The following SLC14A2 variants were observed in gnomAD, a reference collection of about 807,000 sequenced individuals.
SLC14A2 encodes the protein solute carrier family 14 member 2.
SLC14A2 carries 91 observed loss-of-function variants against 104.6 expected under a neutral mutation model. The ratio of observed to expected loss-of-function variants is 0.87; its 90% CI spans 0.73 to 1.04. The LOEUF is 1.04. SLC14A2 is among the 50% of genes least tolerant of loss of function. The probability of loss-of-function intolerance (pLI) is 0.00; values close to 1 mark genes in which losing one functional copy is unlikely to be tolerated. For synonymous variants in SLC14A2, 476 were observed against 466.4 expected (o/e 1.02, Z -0.27); for missense variants, 1,189 against 1,156.0 (o/e 1.03, Z -0.41).
At chr18:45,304,194 G>A (rs1200955077) in intron 1 of SLC14A2, among the ~76,000 whole-genome samples, 4 of 152,114 alleles carry the variant, frequency 2.6e-5, no homozygotes, top group Admixed American at 2.6e-4. Context: ...ATAGCAAAAG[G>A]CAACCGGGAG....
intron 1 of SLC14A2, among the ~76,000 whole-genome samples, chr18:45,331,427 C>G (rs1403193377): frequency 6.6e-6 from 1 of 152,042 alleles, no homozygotes; most frequent in African/African-American, 2.4e-5. Context: ...TGTGGTGGCT[C>G]ACGCCTGTAA....
chr18:45,538,867 TTTTTGCTTGCTTTC>T (rs1708397228), intron 2 of SLC14A2, among the ~76,000 whole-genome samples: 3 of 151,102 alleles, frequency 2.0e-5, no homozygotes, highest in Non-Finnish European at 1.5e-5. Context: ...TTTTTTTTTT[TTTTTGCTTGCTTTC>T]TTTCCTTCCT....
chr18:45,500,563 C>T (rs1174075145), intron 2 of SLC14A2, among the ~76,000 whole-genome samples: 1 of 122,724 alleles, frequency 8.1e-6, no homozygotes, highest in Non-Finnish European at 1.6e-5. Flanking sequence ...GGCGACAGAG[C>T]GAGACTCCGT....
At chr18:45,659,758 TAA>T (rs2144611578) in intron 10 of SLC14A2, among the ~76,000 whole-genome samples, 1 of 152,330 alleles carries the variant, frequency 6.6e-6, no homozygotes, top group Non-Finnish European at 1.5e-5. Context: ...ACATTTATAC[TAA>T]GATACATTAT....
At chr18:45,330,145 G>A (rs989769265) in intron 1 of SLC14A2, among the ~76,000 whole-genome samples, 1 of 152,168 alleles carries the variant, frequency 6.6e-6, no homozygotes, top group African/African-American at 2.4e-5. Context: ...GTCTTTGGGT[G>A]TAAGCTGAGA....
At chr18:45,322,829 T>C (rs2144242586) in intron 1 of SLC14A2, among the ~76,000 whole-genome samples, 1 of 152,304 alleles carries the variant, frequency 6.6e-6, no homozygotes, top group South Asian at 2.1e-4. Context: ...TTTCACTTTA[T>C]CAGAGACACC....
intron 1 of SLC14A2, among the ~76,000 whole-genome samples, chr18:45,266,907 A>G (rs546449811): frequency 1.3e-5 from 2 of 152,274 alleles, no homozygotes; most frequent in East Asian, 3.9e-4. Context: ...ACATGTGAGA[A>G]CACTGCCTTT....
rs577495581 is a variant in SLC14A2 at position 45,649,573 on chromosome 18, G to A, written c.1351+5413G>A. ...TCCTCTCTTCTTCTTCCCCTGTCTTGCTATCTCTGTTCCAATTCATTTATT... is the reference window on the plus strand; with the variant it reads ...TCCTCTCTTCTTCTTCCCCTGTCTTACTATCTCTGTTCCAATTCATTTATT... On this transcript the variant is annotated intron_variant, in intron 10 of 19. Transcript: ENST00000255226. Among the ~76,000 whole-genome samples the A allele has an allele frequency of 9.2e-5, 14 of 152,198 alleles. No homozygotes were observed. The South Asian group carries it at 2.9e-3, about 31-fold the overall frequency.
intron 1 of SLC14A2, among the ~76,000 whole-genome samples, chr18:45,289,448 T>C (rs1159427112): frequency 6.6e-6 from 1 of 152,130 alleles, no homozygotes; most frequent in Non-Finnish European, 1.5e-5. Flanking sequence ...GAAACAAAAA[T>C]CTACCTATCA....
intron 2 of SLC14A2, among the ~76,000 whole-genome samples, chr18:45,537,237 A>G (rs1462127226): frequency 6.6e-6 from 1 of 152,098 alleles, no homozygotes; most frequent in African/African-American, 2.4e-5. Context: ...ACCAGCAGAG[A>G]TGGGCAAATA....
intron 1 of SLC14A2, among the ~76,000 whole-genome samples, chr18:45,462,146 C>T (rs191207892): frequency 2.6e-4 from 40 of 152,092 alleles, no homozygotes; most frequent in Non-Finnish European, 5.1e-4. Flanking sequence ...TAGAAAACAA[C>T]GTTTCTTTTT....
chr18:45,482,001 A>G lies in SLC14A2; in HGVS notation c.-124-1232A>G, dbSNP rs111515072. On this transcript the variant is annotated intron_variant, in intron 1 of 20. Coordinates refer to the SLC14A2 transcript ENST00000586448. ...TTCGGTTTCTAACTGGTTTTCATGG[A>G]GACAACTCAAGATAAAGTAGTTGAA... 1.8e-3 allele frequency among the ~76,000 whole-genome samples: 274 copies of G among 152,232 alleles called. 2 individuals carry two copies. Among genetic ancestry groups the G allele is most frequent in the African/African-American group, 6.2e-3 (258 of 41,538 alleles).
At chr18:45,197,984 C>T in the SLC14A2 span, among the ~76,000 whole-genome samples, 55 of 152,214 alleles carry the variant, frequency 3.6e-4, no homozygotes, top group African/African-American at 1.3e-3. Context: ...GAGTAGATAA[C>T]ATACAGACCA....
chr18:45,354,670 T>A (rs1199709502), intron 1 of SLC14A2, among the ~76,000 whole-genome samples: 1 of 152,202 alleles, frequency 6.6e-6, no homozygotes, highest in Non-Finnish European at 1.5e-5. Context: ...GCCACTGCTC[T>A]GGTAAAGGAC....
chr18:45,667,940 A>C lies in SLC14A2; in HGVS notation c.1825A>C (p.Ile609Leu). ...SGILIILGLF[I>L]QNPWWAISGC... ...CATCCTCATCATCCTCGGCCTCTTC[A>C]TCCAGAACCCCTGGTGGGCGATCTC... The change falls in exon 14 of 20, where the codon ATC (isoleucine) becomes CTC (leucine). Residue 609 changes from isoleucine to leucine, a missense_variant. By Grantham distance (5) the Ile-to-Leu change is conservative. Coordinates refer to ENST00000255226, the MANE Select transcript of SLC14A2 (RefSeq NM_007163.4). The C allele has an allele frequency of 1.2e-6, 2 of 1,614,146 alleles. No homozygotes were observed. The highest frequency in any genetic ancestry group is 1.7e-6 in the Non-Finnish European group (2 of 1,180,028).
chr18:45,611,432 C>T (rs1258497317), upstream of SLC14A2, among the ~76,000 whole-genome samples: 3 of 152,154 alleles, frequency 2.0e-5, no homozygotes, highest in African/African-American at 7.2e-5. Context: ...TGAGCCCTTA[C>T]AGAGGTCAAG....
intron 7 of SLC14A2, among the ~76,000 whole-genome samples, chr18:45,640,432 C>A (rs1356393882): frequency 6.6e-6 from 1 of 152,144 alleles, no homozygotes; most frequent in African/African-American, 2.4e-5. Context: ...GCCCAGCACT[C>A]TGAAATTTTT....
At chr18:45,508,616 C>A (rs1402864831) in intron 2 of SLC14A2, among the ~76,000 whole-genome samples, 11 of 152,182 alleles carry the variant, frequency 7.2e-5, no homozygotes, top group Admixed American at 7.2e-4. Context: ...CAGCCTTCAT[C>A]TTTTCTTTGC....
At position 45,682,334 on chromosome 18, in the gene SLC14A2, T is replaced by C; in HGVS notation, c.2578T>C (p.Cys860Arg). ...TTCTCTCCAGTTTGGATTGCCGCCC[T>C]GCACTTGGCCCTTCTGTCTCTCAGC... ...NMLSVFGLPPCTWPFCLSALT... is the reference protein window; with the variant it reads ...NMLSVFGLPPRTWPFCLSALT... Residue 860 changes from cysteine (C) to arginine (R), a missense_variant, in exon 20 of 20, where the codon TGC becomes CGC. By Grantham distance (180) the Cys-to-Arg change is radical. Transcript: ENST00000255226. 1 of 1,614,182 alleles carries C rather than the reference T, an allele frequency of 6.2e-7. No homozygotes were observed. The highest frequency in any genetic ancestry group is 8.5e-7 in the Non-Finnish European group (1 of 1,180,010).
Sources: gnomAD v4.1 joint callset for allele counts (sites outside exome capture counted in the v4.1 genomes callset) on GRCh38, gnomAD v4.1.1 for gene constraint, MANE v1.5 for transcripts, NCBI Gene and HGNC (gene_info 2026-07-23, HGNC 2026-07-21) for gene names.